The following MALT1 variants were observed in gnomAD, a reference collection of about 807,000 sequenced individuals.
The protein encoded by MALT1 is mucosa-associated lymphoid tissue lymphoma translocation protein 1.
A neutral mutation model predicts 85.5 loss-of-function variants in MALT1; 36 were observed. The observed-to-expected ratio is 0.42, with a 90% CI of 0.32 to 0.56. The LOEUF is 0.56. Ranked by LOEUF, MALT1 falls within the 20% of genes least tolerant of loss-of-function variation. The probability of loss-of-function intolerance (pLI) is 0.10; values close to 1 mark genes in which losing one functional copy is unlikely to be tolerated. For missense variants in MALT1, 716 were observed against 981.6 expected, an observed-to-expected ratio of 0.73 and a Z score of 3.62; for synonymous variants, 359 against 361.3, an observed-to-expected ratio of 0.99 and a Z score of 0.07.
chr18:58,743,569 A>G (rs2055329765), intron 14 of MALT1, among the ~76,000 whole-genome samples: 4 of 152,184 alleles, frequency 2.6e-5, no homozygotes, highest in South Asian at 4.1e-4. Context: ...ACGAAACTTC[A>G]TAAAACAAAA....
At chr18:58,730,295 A>G (rs1425317071) in intron 10 of MALT1, among the ~76,000 whole-genome samples, 2 of 152,160 alleles carry the variant, frequency 1.3e-5, no homozygotes, top group Non-Finnish European at 2.9e-5. Context: ...CCCCATATCC[A>G]TTAACAGTCA....
Position 58,745,575 on chromosome 18 carries a change from G to A in MALT1, c.1912-91G>A, listed in dbSNP as rs1248480370. On this transcript the variant is annotated intron_variant, in intron 15 of 16. Coordinates refer to ENST00000649217, the MANE Select transcript of MALT1 (RefSeq NM_006785.4). Reference sequence around the variant, plus strand: ...CACGAGAGGCCAGAATTCACGAGAGGATAGTATCAGTTAAGATGTCTTATG... The same window carrying A: ...CACGAGAGGCCAGAATTCACGAGAGAATAGTATCAGTTAAGATGTCTTATG... 20 of 1,135,488 alleles carry A rather than the reference G, an allele frequency of 1.8e-5. No individual in the cohort carries two copies. In the East Asian group the frequency reaches 4.0e-4, roughly 23 times the overall value. 70.3% of individuals were successfully genotyped at this position (1,135,488 alleles called of 1,614,324 possible).
intron 13 of MALT1, among the ~76,000 whole-genome samples, chr18:58,740,457 C>T (rs1220728909): frequency 6.6e-6 from 1 of 152,068 alleles, no homozygotes; most frequent in Non-Finnish European, 1.5e-5. Context: ...TCTCTTAAAA[C>T]ATCACTTTCA....
At chr18:58,685,715 T>C (rs2054391605) in intron 2 of MALT1, among the ~76,000 whole-genome samples, 2 of 152,276 alleles carry the variant, frequency 1.3e-5, no homozygotes, top group South Asian at 4.2e-4. Context: ...GTTGGCCAAC[T>C]TGCCCCTCAG....
At chr18:58,734,255 G>T in intron 11 of MALT1, 52 bp from the exon 12 acceptor site, 1 of 1,284,690 alleles carries the variant, frequency 7.8e-7, no homozygotes, top group South Asian at 1.2e-5. Flanking sequence ...TTTTAAGAAT[G>T]CTCTTTAACT....
At chr18:58,712,577 T>C (rs2054845282) in intron 7 of MALT1, among the ~76,000 whole-genome samples, 1 of 152,102 alleles carries the variant, frequency 6.6e-6, no homozygotes, top group Non-Finnish European at 1.5e-5. Flanking sequence ...GGTTGATAAG[T>C]ACAGACCTGC....
At chr18:58,734,050 T>G in intron 11 of MALT1, 1 of 1,289,424 alleles carries the variant, frequency 7.8e-7, no homozygotes, top group Non-Finnish European at 9.8e-7. Flanking sequence ...CTAGATTTAC[T>G]ATTTTTTTGC....
At chr18:58,682,495 A>G (rs1293999730) in intron 2 of MALT1, among the ~76,000 whole-genome samples, 1 of 152,200 alleles carries the variant, frequency 6.6e-6, no homozygotes, top group Non-Finnish European at 1.5e-5. Flanking sequence ...GACTCTCCAC[A>G]TAGCGCAAGA....
At chr18:58,711,448 T>C (rs2054829944) in intron 7 of MALT1, among the ~76,000 whole-genome samples, 1 of 152,184 alleles carries the variant, frequency 6.6e-6, no homozygotes, top group Non-Finnish European at 1.5e-5. Context: ...TCTGTATTAA[T>C]ATAAAATTGA....
intron 1 of MALT1, among the ~76,000 whole-genome samples, chr18:58,675,060 G>A (rs560031859): frequency 6.6e-6 from 1 of 152,278 alleles, no homozygotes; most frequent in East Asian, 1.9e-4. Context: ...ATGTACATTT[G>A]GGAATGTGCT....
At chr18:58,732,494 A>C (rs1338978249) in intron 10 of MALT1, among the ~76,000 whole-genome samples, 1 of 152,234 alleles carries the variant, frequency 6.6e-6, no homozygotes, top group Non-Finnish European at 1.5e-5. Context: ...AAAAAATAGC[A>C]ATCTGCGAAG....
chr18:58,695,686 C>G (rs1341857314), intron 2 of MALT1, among the ~76,000 whole-genome samples: 1 of 152,144 alleles, frequency 6.6e-6, no homozygotes, highest in African/African-American at 2.4e-5. Flanking sequence ...AGTCCGTGAT[C>G]AAAGAACCAG....
intron 4 of MALT1, among the ~76,000 whole-genome samples, chr18:58,707,536 A>T (rs1322052253): frequency 2.6e-5 from 4 of 152,094 alleles, no homozygotes; most frequent in Non-Finnish European, 5.9e-5. Flanking sequence ...TTAACCTGTC[A>T]TCTACATTAG....
At position 58,681,058 on chromosome 18, in the gene MALT1, C is replaced by T. The variant is rs560956005; in HGVS notation, c.210-112C>T. The T allele has an allele frequency of 1.1e-4, 90 of 794,462 alleles. No homozygotes were observed. In the South Asian group the frequency reaches 1.9e-3, roughly 16 times the overall value. The allele number at this position is 794,462 out of a possible 1,614,324, so 49.2% of individuals were successfully genotyped here. On this transcript the variant is annotated intron_variant, in intron 1 of 16. Coordinates refer to ENST00000649217, the MANE Select transcript of MALT1 (RefSeq NM_006785.4). ...TCATTATGTGAATAGTTTGTCACCA[C>T]CCACCCACTCACTTGTGATTTATTC...
At chr18:58,694,258 C>T (rs1180887178) in intron 2 of MALT1, among the ~76,000 whole-genome samples, 2 of 152,188 alleles carry the variant, frequency 1.3e-5, no homozygotes, top group Admixed American at 6.5e-5. Flanking sequence ...GCTAGGTATA[C>T]AATAAATATT....
At chr18:58,682,054 T>C (rs1195062856) in intron 2 of MALT1, among the ~76,000 whole-genome samples, 1 of 152,086 alleles carries the variant, frequency 6.6e-6, no homozygotes, top group Non-Finnish European at 1.5e-5. Flanking sequence ...CAGTGGGCCA[T>C]TATTTGTCCC....
At chr18:58,721,884 C>T (rs552945124) in intron 9 of MALT1, among the ~76,000 whole-genome samples, 2 of 152,280 alleles carry the variant, frequency 1.3e-5, no homozygotes, top group African/African-American at 4.8e-5. Context: ...CAAGTCCTGG[C>T]CTGCGTCAGA....
chr18:58,681,368 A>G (rs780983046), intron 2 of MALT1, 32 bp downstream of exon 2: 1 of 1,581,426 alleles, frequency 6.3e-7, no homozygotes, highest in South Asian at 1.2e-5. Context: ...ATTCTCCAGG[A>G]GTTCATGGAG....
rs910719071 is a variant in MALT1, at chr18:58,749,786, A to G, written c.*1944A>G. On this transcript the variant is annotated 3_prime_UTR_variant, in exon 17 of 17. Coordinates refer to ENST00000649217, the MANE Select transcript of MALT1 (RefSeq NM_006785.4). ...ATAAAAACACTCAACAAACTTAGGA[A>G]TAAAAGGAATCTTCCTAGATATGAT... 2.8e-5 allele frequency: 6 copies of G among 213,890 alleles called. No homozygotes were observed. The highest frequency in any genetic ancestry group is 1.2e-4 in the Admixed American group (2 of 17,056). The allele number at this position is 213,890 out of a possible 1,614,324, so 13.2% of individuals were successfully genotyped here. A position where few individuals can be genotyped will look rare whatever the true frequency, so the allele number is the denominator to read the frequency against.
Sources: gnomAD v4.1 joint callset for allele counts (sites outside exome capture counted in the v4.1 genomes callset) on GRCh38, gnomAD v4.1.1 for gene constraint, MANE v1.5 for transcripts, NCBI Gene and HGNC (gene_info 2026-07-23, HGNC 2026-07-21) for gene names.